SPATA46: variants seen among roughly 807,000 people sequenced by gnomAD.
SPATA46 encodes the protein spermatogenesis associated 46, also known as spermatogenesis-associated protein 46.
A neutral mutation model predicts 6.2 loss-of-function variants in SPATA46; 3 were observed. That is an observed-to-expected ratio of 0.48 (90% confidence interval 0.22 to 1.25). The LOEUF is 1.25. Ranked by LOEUF, SPATA46 falls within the 50% of genes most tolerant of loss-of-function variation. The probability of loss-of-function intolerance (pLI) is 0.20; values close to 1 mark genes in which losing one functional copy is unlikely to be tolerated. For synonymous variants in SPATA46, 117 were observed against 123.3 expected, an observed-to-expected ratio of 0.95 and a Z score of 0.34; for missense variants, 308 against 323.5, an observed-to-expected ratio of 0.95 and a Z score of 0.37.
Position 162,374,004 on chromosome 1 carries a change from C to A in SPATA46, c.*44G>T. ...AGGACAGCAGGCTGTGCGGGGTGACCTCAGACTGGACAGAAGGCTGTGACT... is the reference window on the plus strand; with the variant it reads ...AGGACAGCAGGCTGTGCGGGGTGACATCAGACTGGACAGAAGGCTGTGACT... On this transcript the variant is annotated 3_prime_UTR_variant, in exon 3 of 3. Coordinates refer to ENST00000367935, the MANE Select transcript of SPATA46 (RefSeq NM_182581.4). 6.5e-7 allele frequency: 1 copy of A among 1,543,946 alleles called. No homozygotes were observed. Among genetic ancestry groups the A allele is most frequent in the Non-Finnish European group, 8.8e-7 (1 of 1,142,286 alleles).
intron 1 of SPATA46, 186 bp downstream of exon 1, chr1:162,376,502 A>G (rs1647672721): frequency 3.3e-6 from 2 of 600,972 alleles, no homozygotes; most frequent in Admixed American, 3.4e-5. Context: ...TTCTTCCCTT[A>G]CCAAAAATCA....
Position 162,374,066 on chromosome 1 carries a change from T to C in SPATA46, c.768A>G (p.Glu256=). The change falls in exon 3 of 3, where the codon GAA becomes GAG. Residue 256 remains glutamate, a synonymous_variant. Coordinates refer to ENST00000367935, the MANE Select transcript of SPATA46 (RefSeq NM_182581.4). The part of the protein sequence containing the change: ...PAEHLRQIGG[E]AYLCL ...CATCTCTCTAGAGACATAAGTAGGC[T>C]TCACCGCCAATTTGCCTAAGGTGTT... The C allele has an allele frequency of 6.2e-7, 1 of 1,608,444 alleles. No homozygotes were observed.
chr1:162,375,160 T>C (rs1245414280), intron 2 of SPATA46, 130 bp downstream of exon 2: 7 of 738,312 alleles, frequency 9.5e-6, no homozygotes, highest in Middle Eastern at 4.0e-4. Context: ...AAGGGCCAGA[T>C]AGGAGGCTGC....
chr1:162,375,014 T>A (rs1227131105), intron 2 of SPATA46, among the ~76,000 whole-genome samples: 1 of 152,116 alleles, frequency 6.6e-6, no homozygotes, highest in Non-Finnish European at 1.5e-5. Flanking sequence ...GCTGTGACCC[T>A]TTTTTCAGCC....
chr1:162,374,123 G>A lies in SPATA46; in HGVS notation c.711C>T (p.Ser237=), dbSNP rs751570278. 5.3e-5 allele frequency: 86 copies of A among 1,614,206 alleles called. No individual in the cohort carries two copies. The East Asian group carries it at 1.1e-3, about 21-fold the overall frequency. The change falls in exon 3 of 3, where the codon TCC becomes TCT. Residue 237 remains serine (S), a synonymous_variant. Transcript: ENST00000367935. ...QKARLGDRLS[S]GSCQAFNSPA... ...GACTATTGAAGGCCTGGCAGCTGCC[G>A]GAGGAGAGCCTGTCTCCCAGCCGGG...
intron 1 of SPATA46, among the ~76,000 whole-genome samples, chr1:162,375,707 C>T (rs192158448): frequency 2.0e-3 from 300 of 152,294 alleles, no homozygotes; most frequent in African/African-American, 6.6e-3. Context: ...TCTCATCACG[C>T]GGATGGCTTC....
intron 1 of SPATA46, 45 bp from the exon 2 acceptor site, chr1:162,375,448 T>C: frequency 6.5e-7 from 1 of 1,549,460 alleles, no homozygotes; most frequent in Non-Finnish European, 8.9e-7. Flanking sequence ...AGGTTGGGAT[T>C]CCACTTTCTG....
intron 2 of SPATA46, 52 bp from the exon 3 acceptor site, chr1:162,374,668 A>G: frequency 6.5e-7 from 1 of 1,528,506 alleles, no homozygotes; most frequent in Non-Finnish European, 8.8e-7. Flanking sequence ...AGTGGAGCCA[A>G]GGATGCTGGA....
At position 162,374,216 on chromosome 1, in the gene SPATA46, G is replaced by A. The variant is rs1182722980; in HGVS notation, c.618C>T (p.Phe206=). The A allele has an allele frequency of 6.2e-7, 1 of 1,614,004 alleles. No homozygotes were observed. The highest frequency in any genetic ancestry group is 1.1e-5 in the South Asian group (1 of 91,064). Residue 206 remains phenylalanine, a synonymous_variant, in exon 3 of 3, where the codon TTC becomes TTT. Transcript: ENST00000367935. ...ACACCTTGCAGCTGAAGCCCTCCCT[G>A]AAGCCCCTCTTGATGTGGCTCTTGA... The part of the protein sequence containing the change: ...DFLKSHIKRG[F]REGFSCKVYY...
Position 162,374,320 on chromosome 1 carries a change from C to G in SPATA46, c.514G>C (p.Ala172Pro). The G allele has an allele frequency of 6.2e-7, 1 of 1,614,120 alleles. No homozygotes were observed. Among genetic ancestry groups the G allele is most frequent in the Non-Finnish European group, 8.5e-7 (1 of 1,180,000 alleles). Residue 172 changes from alanine to proline, a missense_variant, in exon 3 of 3, where the codon GCT (alanine) becomes CCT (proline). Coordinates refer to ENST00000367935, the MANE Select transcript of SPATA46 (RefSeq NM_182581.4). ...TGCTGTGCTGGGTGCCACCTGGAAG[C>G]CATTAGGATGTCCTGGGATGTGATG... The part of the protein sequence containing the change: ...DSITSQDILM[A>P]SRWHPAQQNG...
rs769154372 is a variant in SPATA46, at chr1:162,375,350, G to T, written c.157C>A (p.Pro53Thr). The T allele has an allele frequency of 1.2e-6, 2 of 1,614,016 alleles. No individual in the cohort carries two copies. The highest frequency in any genetic ancestry group is 2.7e-5 in the African/African-American group (2 of 74,894). Residue 53 changes from proline to threonine, a missense_variant, in exon 2 of 3, where the codon CCA becomes ACA. Physicochemically the swap from Pro to Thr is conservative, Grantham distance 38. Transcript: ENST00000367935. ...ACAATGATGCTTTGGTACTGGGGTG[G>T]CAGGGCCTGAGCTGGGCTGGATGCC... is the stretch of plus-strand genomic sequence containing the variant. Reference protein sequence around the residue: ...TEASSPAQALPPQYQSIIVRQ... With the variant: ...TEASSPAQALTPQYQSIIVRQ...
Position 162,374,190 on chromosome 1 carries a change from T to C in SPATA46, c.644A>G (p.Tyr215Cys), listed in dbSNP as rs774579970. Residue 215 changes from tyrosine to cysteine, a missense_variant, in exon 3 of 3, where the codon TAC becomes TGC. Tyr to Cys is a radical substitution (Grantham distance 194, BLOSUM62 -2). Coordinates refer to ENST00000367935, the MANE Select transcript of SPATA46 (RefSeq NM_182581.4). ...GFREGFSCKVYYRKLKALWSK... is the reference protein window; with the variant it reads ...GFREGFSCKVCYRKLKALWSK... ...CCAGAGGGCTTTGAGCTTGCGGTAG[T>C]ACACCTTGCAGCTGAAGCCCTCCCT... 9.0e-5 allele frequency: 145 copies of C among 1,614,120 alleles called. No individual in the cohort carries two copies. The highest frequency in any genetic ancestry group is 1.0e-4 in the Admixed American group (6 of 60,012).
At position 162,375,409 on chromosome 1, in the gene SPATA46, T is replaced by G. The variant is rs164182; in HGVS notation, c.104-6A>C. 180,231 of 1,612,226 alleles carry G rather than the reference T, an allele frequency of 0.11. 11,308 individuals are homozygous for G. The highest frequency in any genetic ancestry group is 0.13 in the Non-Finnish European group (150,278 of 1,178,422). On this transcript the variant is annotated splice_region_variant and splice_polypyrimidine_tract_variant and intron_variant, in intron 1 of 2. Coordinates refer to ENST00000367935, the MANE Select transcript of SPATA46 (RefSeq NM_182581.4). Reference sequence around the variant, plus strand: ...TACTGCTGTCTTTGCAATGTCTGGGTTATAGAAGAAACACTGGTGAGCTGA... The same window carrying G: ...TACTGCTGTCTTTGCAATGTCTGGGGTATAGAAGAAACACTGGTGAGCTGA...
At position 162,374,143 on chromosome 1, in the gene SPATA46, G is replaced by A; in HGVS notation, c.691C>T (p.Leu231=). ...ALWSKEQKAR[L]GDRLSSGSCQ... The stretch of plus-strand genomic sequence containing the variant: ...CTGCCGGAGGAGAGCCTGTCTCCCA[G>A]CCGGGCCTTCTGCTCCTTGCTCCAG... Residue 231 remains leucine (L), a synonymous_variant, in exon 3 of 3, where the codon CTG becomes TTG. Transcript: ENST00000367935. 1 of 1,614,258 alleles carries A rather than the reference G, an allele frequency of 6.2e-7. No homozygotes were observed. Among genetic ancestry groups the A allele is most frequent in the Non-Finnish European group, 8.5e-7 (1 of 1,180,046 alleles).
rs745670990 is a variant in SPATA46, at chr1:162,374,586, T to C, written c.248A>G (p.Glu83Gly). 14 of 1,613,430 alleles carry C rather than the reference T, an allele frequency of 8.7e-6. No homozygotes were observed. The Middle Eastern group carries it at 4.9e-4, about 57-fold the overall frequency. ...DCSLGDTQHG[E>G]KLRRNCTIYR... ...GATAGTGCAGTTCCGCCTCAGCTTC[T>C]CTCCGTGCTGGGTATCCCCCAAGCT... Residue 83 changes from glutamate (E) to glycine (G), a missense_variant, in exon 3 of 3, where the codon GAG becomes GGG. Coordinates refer to ENST00000367935, the MANE Select transcript of SPATA46 (RefSeq NM_182581.4).
chr1:162,374,810 T>C (rs1647592432), intron 2 of SPATA46, among the ~76,000 whole-genome samples, 194 bp from the exon 3 acceptor site: 1 of 152,216 alleles, frequency 6.6e-6, no homozygotes, highest in Non-Finnish European at 1.5e-5. Flanking sequence ...GCATTCTTTT[T>C]CTAGGGGTAC....
rs765282842 is a variant in SPATA46, at chr1:162,375,391, G to A, written c.116C>T (p.Thr39Ile). 1.2e-6 allele frequency: 2 copies of A among 1,614,022 alleles called. No individual in the cohort carries two copies. Among genetic ancestry groups the A allele is most frequent in the Non-Finnish European group, 8.5e-7 (1 of 1,179,892 alleles). The change falls in exon 2 of 3, where the codon ACA becomes ATA. Residue 39 changes from threonine to isoleucine, a missense_variant. By Grantham distance (89) the Thr-to-Ile change is moderately conservative. Coordinates refer to ENST00000367935, the MANE Select transcript of SPATA46 (RefSeq NM_182581.4). The stretch of plus-strand genomic sequence containing the variant: ...GCTGGATGCCTCAGTGGGTACTGCT[G>A]TCTTTGCAATGTCTGGGTTATAGAA... Reference protein sequence around the residue: ...RATSLPDIAKTAVPTEASSPA... With the variant: ...RATSLPDIAKIAVPTEASSPA...
intron 1 of SPATA46, 108 bp from the exon 2 acceptor site, chr1:162,375,511 A>C: frequency 1.3e-6 from 1 of 780,552 alleles, no homozygotes; most frequent in Non-Finnish European, 2.2e-6. Context: ...AAGGCATCTC[A>C]ACGCTGAAAC....
At chr1:162,376,510 T>C in intron 1 of SPATA46, 178 bp downstream of exon 1, 1 of 609,890 alleles carries the variant, frequency 1.6e-6, no homozygotes, top group South Asian at 2.3e-5. Context: ...TTACCAAAAA[T>C]CAATACACAG....
Sources: allele counts gnomAD v4.1 joint callset (sites outside exome capture counted in the v4.1 genomes callset), GRCh38; gene constraint gnomAD v4.1.1; transcripts MANE v1.5; gene names NCBI Gene and HGNC (gene_info 2026-07-23, HGNC 2026-07-21).